Variants in XYLT1 observed in about 807,000 individuals in gnomAD.
XYLT1 encodes beta-D-xylosyltransferase 1.
XYLT1 carries 36 observed loss-of-function variants against 91.3 expected under a neutral mutation model. That is an observed-to-expected ratio of 0.39 (90% CI 0.30 to 0.52). The LOEUF (loss-of-function observed/expected upper bound fraction) is 0.52, where lower values mean the gene tolerates loss of function less well. XYLT1 is among the 20% of genes least tolerant of loss of function. The probability of loss-of-function intolerance (pLI) is 0.68; values close to 1 mark genes in which losing one functional copy is unlikely to be tolerated. For synonymous variants in XYLT1, 588 were observed against 532.0 expected (o/e 1.11, Z -1.45); for missense variants, 1,242 against 1,284.5 (o/e 0.97, Z 0.51).
intron 3 of XYLT1, among the ~76,000 whole-genome samples, chr16:17,246,271 C>T (rs539253096): frequency 1.6e-4 from 24 of 152,186 alleles, no homozygotes; most frequent in Non-Finnish European, 3.5e-4. Flanking sequence ...ATTTAACAAT[C>T]CCTACGTAGA....
intron 1 of XYLT1, among the ~76,000 whole-genome samples, chr16:17,458,346 G>A (rs1450521517): frequency 6.6e-6 from 1 of 152,120 alleles, no homozygotes; most frequent in Non-Finnish European, 1.5e-5. Flanking sequence ...CCAACACTTG[G>A]GGGAATAGAG....
chr16:17,237,064 C>T (rs1052351505), intron 3 of XYLT1, among the ~76,000 whole-genome samples: 6 of 152,074 alleles, frequency 3.9e-5, no homozygotes, highest in African/African-American at 9.7e-5. Context: ...GGCTGTTCAA[C>T]GCAGAAAGTA....
At chr16:17,179,989 T>G (rs2032031104) in intron 5 of XYLT1, among the ~76,000 whole-genome samples, 1 of 152,224 alleles carries the variant, frequency 6.6e-6, no homozygotes, top group Non-Finnish European at 1.5e-5. Flanking sequence ...TCCACTGAGC[T>G]CCACTTCTGG....
At chr16:17,395,459 A>G (rs1001677219) in intron 1 of XYLT1, among the ~76,000 whole-genome samples, 3 of 152,204 alleles carry the variant, frequency 2.0e-5, no homozygotes, top group Non-Finnish European at 4.4e-5. Context: ...GCAGTGAGCC[A>G]TGATCGCACC....
At chr16:17,325,623 C>T (rs1035489946) in intron 2 of XYLT1, among the ~76,000 whole-genome samples, 7 of 152,124 alleles carry the variant, frequency 4.6e-5, no homozygotes. Context: ...AAAAAGCTGG[C>T]ATGGCGATTT....
chr16:17,352,668 C>G (rs1225006054), intron 2 of XYLT1, among the ~76,000 whole-genome samples: 1 of 152,198 alleles, frequency 6.6e-6, no homozygotes, highest in Non-Finnish European at 1.5e-5. Flanking sequence ...CTCAGATTCC[C>G]CCACTACCTG....
chr16:17,285,356 G>A (rs917443933), intron 2 of XYLT1, among the ~76,000 whole-genome samples: 6 of 152,144 alleles, frequency 3.9e-5, no homozygotes, highest in African/African-American at 1.2e-4. Flanking sequence ...AAAGCATCCC[G>A]GAAGCCCTGG....
rs1429343862 is a variant in XYLT1 at position 17,107,306 on chromosome 16, G to A, written c.*1389C>T. 6.6e-6 allele frequency: 1 copy of A among 152,080 alleles called. No individual in the cohort carries two copies. The highest frequency in any genetic ancestry group is 1.5e-5 in the Non-Finnish European group (1 of 68,020). The allele number at this position is 152,080 out of a possible 1,614,324, so 9.4% of individuals were successfully genotyped here. ...TGGGAAGGGCAGATGGCTACCAGGG[G>A]TGAGACCTTTTTCCAAGGGAATCCC... On this transcript the variant is annotated 3_prime_UTR_variant, in exon 12 of 12. Transcript: ENST00000261381.
At chr16:17,153,665 A>C (rs1430295403) in intron 6 of XYLT1, among the ~76,000 whole-genome samples, 1 of 152,168 alleles carries the variant, frequency 6.6e-6, no homozygotes, top group African/African-American at 2.4e-5. Flanking sequence ...TGGTTGGAGC[A>C]GCTAATTTTA....
At chr16:17,268,152 T>G (rs2033834317) in intron 2 of XYLT1, among the ~76,000 whole-genome samples, 1 of 152,200 alleles carries the variant, frequency 6.6e-6, no homozygotes, top group South Asian at 2.1e-4. Flanking sequence ...CTGCACGTCA[T>G]ACTGCATCAG....
chr16:17,336,112 G>A (rs933161779), intron 2 of XYLT1, among the ~76,000 whole-genome samples: 4 of 152,208 alleles, frequency 2.6e-5, no homozygotes, highest in Non-Finnish European at 4.4e-5. Context: ...ACGTGCGGAG[G>A]TGGATGGAGG....
chr16:17,120,079 C>A (rs1183140656), intron 10 of XYLT1, among the ~76,000 whole-genome samples: 5 of 152,150 alleles, frequency 3.3e-5, no homozygotes, highest in African/African-American at 1.2e-4. Flanking sequence ...CTTATGAAAT[C>A]TTGGTATTTT....
intron 1 of XYLT1, among the ~76,000 whole-genome samples, chr16:17,447,074 G>C (rs1567206315): frequency 1.3e-5 from 2 of 148,152 alleles, no homozygotes; most frequent in Non-Finnish European, 3.0e-5. Context: ...TCAGTTAGCA[G>C]CAATCAATTA....
At chr16:17,170,091 G>A (rs1394832244) in intron 5 of XYLT1, among the ~76,000 whole-genome samples, 1 of 152,132 alleles carries the variant, frequency 6.6e-6, no homozygotes, top group Non-Finnish European at 1.5e-5. Flanking sequence ...ATTTAACAAT[G>A]GTCTATGAGT....
intron 7 of XYLT1, among the ~76,000 whole-genome samples, chr16:17,139,208 A>ATAAT (rs2030886561): frequency 6.6e-6 from 1 of 152,372 alleles, no homozygotes; most frequent in Admixed American, 6.5e-5. Flanking sequence ...AAAGATTTCT[A>ATAAT]TAATAGACAG....
chr16:17,207,038 G>GT (rs2032659795), intron 3 of XYLT1, among the ~76,000 whole-genome samples: 1 of 142,970 alleles, frequency 7.0e-6, no homozygotes, highest in African/African-American at 2.6e-5. Flanking sequence ...AGTCAGGTTG[G>GT]TTTTCTTTTC....
At chr16:17,113,169 T>C (rs533805146) in intron 11 of XYLT1, among the ~76,000 whole-genome samples, 70 of 144,612 alleles carry the variant, frequency 4.8e-4, no homozygotes, top group Admixed American at 2.3e-3. Flanking sequence ...GATGATAGAG[T>C]CTCGCTCTGT....
chr16:17,445,936 T>A (rs566808599), intron 1 of XYLT1: 2 of 152,332 alleles, frequency 1.3e-5, no homozygotes, highest in East Asian at 3.9e-4. Flanking sequence ...CTTGTGGTGA[T>A]GTGTTGCACC....
rs560055896 is a variant in XYLT1 at position 17,230,233 on chromosome 16, G to C, written c.913+28755C>G. 7.9e-5 allele frequency among the ~76,000 whole-genome samples: 12 copies of C among 152,292 alleles called. No individual in the cohort carries two copies. The East Asian group carries it at 2.3e-3, about 29-fold the overall frequency. ...GGTGGCCGTAGGGAACTAAAACAAAGAGCCAAACCCACCAGGGCTGCGAGA... is the reference window on the plus strand; with the variant it reads ...GGTGGCCGTAGGGAACTAAAACAAACAGCCAAACCCACCAGGGCTGCGAGA... On this transcript the variant is annotated intron_variant, in intron 3 of 11. Coordinates refer to ENST00000261381, the MANE Select transcript of XYLT1 (RefSeq NM_022166.4).
Sources: allele counts gnomAD v4.1 joint callset (sites outside exome capture counted in the v4.1 genomes callset), GRCh38; gene constraint gnomAD v4.1.1; transcripts MANE v1.5; gene names NCBI Gene and HGNC (gene_info 2026-07-23, HGNC 2026-07-21).